The following SLC38A11 variants were observed in gnomAD, a reference collection of about 807,000 sequenced individuals.
The protein encoded by SLC38A11 is solute carrier family 38 member 11.
A neutral mutation model predicts 49.4 loss-of-function variants in SLC38A11; 51 were observed. That is an observed-to-expected ratio of 1.03 (90% CI 0.83 to 1.30). SLC38A11 has a LOEUF of 1.30. SLC38A11 is among the 50% of genes most tolerant of loss of function. The probability of loss-of-function intolerance (pLI) is 0.00; values close to 1 mark genes in which losing one functional copy is unlikely to be tolerated. For synonymous variants in SLC38A11, 203 were observed against 192.9 expected, an observed-to-expected ratio of 1.05 and a Z score of -0.43; for missense variants, 574 against 556.2, an observed-to-expected ratio of 1.03 and a Z score of -0.32.
rs1428821122 is a variant in SLC38A11, at chr2:164,910,241, T to C, written c.963+1395A>G. Among the ~76,000 whole-genome samples, 3 of 151,992 alleles carry C rather than the reference T, an allele frequency of 2.0e-5. No individual in the cohort carries two copies. In the South Asian group the frequency reaches 6.2e-4, roughly 32 times the overall value. The stretch of plus-strand genomic sequence containing the variant: ...CTGCCACAGCAGCTAGAAAGGAAAC[T>C]CAAGTTTCAAGTACTAAACACAGAA... On this transcript the variant is annotated intron_variant, in intron 10 of 11. Coordinates refer to ENST00000685975, the MANE Select transcript of SLC38A11 (RefSeq NM_001351537.2).
chr2:164,908,754 A>T lies in SLC38A11; in HGVS notation c.981T>A (p.Phe327Leu). ...FVTREVIANV[F>L]FGGNLSSVFH... ...AAACCGATGAAAGATTCCCACCAAAAAACACATTGGCAATTACCTGCCGAA... is the reference window on the plus strand; with the variant it reads ...AAACCGATGAAAGATTCCCACCAAATAACACATTGGCAATTACCTGCCGAA... Residue 327 changes from phenylalanine to leucine, a missense_variant, in exon 11 of 12, where the codon TTT becomes TTA. Transcript: ENST00000685975. 1.2e-6 allele frequency: 2 copies of T among 1,610,516 alleles called. No homozygotes were observed. The highest frequency in any genetic ancestry group is 1.7e-6 in the Non-Finnish European group (2 of 1,178,032).
chr2:164,947,311 T>C (rs1010993579), intron 3 of SLC38A11, among the ~76,000 whole-genome samples: 1 of 151,946 alleles, frequency 6.6e-6, no homozygotes, highest in Non-Finnish European at 1.5e-5. Flanking sequence ...TTTGTATTTT[T>C]AGCAGAGACG....
At chr2:164,944,737 C>A in intron 4 of SLC38A11, 103 bp from the exon 5 acceptor site, 2 of 399,554 alleles carry the variant, frequency 5.0e-6, no homozygotes, top group East Asian at 8.0e-5. Context: ...TTGGCATAAT[C>A]CTACTGCTTC....
chr2:164,915,436 A>G (rs1685713607), intron 8 of SLC38A11, 163 bp from the exon 9 acceptor site: 1 of 621,426 alleles, frequency 1.6e-6, no homozygotes, highest in African/African-American at 1.9e-5. Flanking sequence ...AGTTCTAGAA[A>G]TGAGACCATT....
Position 164,909,991 on chromosome 2 carries a change from A to G in SLC38A11, c.964-1220T>C, listed in dbSNP as rs1474799606. On this transcript the variant is annotated intron_variant, in intron 10 of 11. Transcript: ENST00000685975. ...TATGATATAATTGTGAGAGTGAAAA[A>G]TCACTTAGTGAGGCAGGTAGTAAGA... is the stretch of plus-strand genomic sequence containing the variant. 2.0e-5 allele frequency among the ~76,000 whole-genome samples: 3 copies of G among 152,142 alleles called. No homozygotes were observed. In the East Asian group the frequency reaches 5.8e-4, roughly 29 times the overall value.
intron 5 of SLC38A11, among the ~76,000 whole-genome samples, chr2:164,942,359 C>T (rs904454849): frequency 3.5e-5 from 5 of 144,682 alleles, no homozygotes; most frequent in African/African-American, 7.7e-5. Flanking sequence ...CACCTGAGCC[C>T]GGGAGGTCAG....
chr2:164,917,001 A>C (rs1384864933), intron 7 of SLC38A11, among the ~76,000 whole-genome samples: 1 of 151,964 alleles, frequency 6.6e-6, no homozygotes, highest in Non-Finnish European at 1.5e-5. Flanking sequence ...AATGAGATAA[A>C]ATATGTAAAA....
chr2:164,946,585 A>T (rs1033317356), intron 3 of SLC38A11, among the ~76,000 whole-genome samples: 30 of 138,396 alleles, frequency 2.2e-4, no homozygotes, highest in Middle Eastern at 3.4e-3. Context: ...AAAAAAAAAA[A>T]TTTGCATTTT....
At chr2:164,923,043 C>A (rs1686322205) in intron 7 of SLC38A11, among the ~76,000 whole-genome samples, 1 of 152,156 alleles carries the variant, frequency 6.6e-6, no homozygotes, top group Non-Finnish European at 1.5e-5. Flanking sequence ...TGAAACTAGA[C>A]CCCTACCTTT....
intron 7 of SLC38A11, among the ~76,000 whole-genome samples, chr2:164,923,527 C>A (rs1014530561): frequency 1.3e-5 from 2 of 152,082 alleles, no homozygotes; most frequent in Non-Finnish European, 2.9e-5. Context: ...CAATGAGATA[C>A]CATCTCACAC....
intron 9 of SLC38A11, among the ~76,000 whole-genome samples, chr2:164,912,632 T>C (rs948875051): frequency 6.6e-6 from 1 of 152,142 alleles, no homozygotes; most frequent in Admixed American, 6.6e-5. Context: ...TCCAAACATA[T>C]GTTACCTTTC....
rs1684352200 is a variant in SLC38A11 at position 164,894,444 on chromosome 2, C to G, written c.*3993G>C. 6.6e-6 allele frequency among the ~76,000 whole-genome samples: 1 copy of G among 152,168 alleles called. No homozygotes were observed. On this transcript the variant is annotated 3_prime_UTR_variant, in exon 12 of 12. Transcript: ENST00000685975. ...AAAGACAACCATGTAAATTCTTTAT[C>G]TGAATGACATTATCATTCATAACCC...
chr2:164,949,921 T>G (rs1247800053), intron 3 of SLC38A11: 2 of 152,208 alleles, frequency 1.3e-5, no homozygotes, highest in Non-Finnish European at 2.9e-5. Flanking sequence ...TTGTTGTTGT[T>G]GTTGTCCTTA....
chr2:164,954,186 T>C (rs1391835491), intron 2 of SLC38A11, among the ~76,000 whole-genome samples: 2 of 152,202 alleles, frequency 1.3e-5, no homozygotes, highest in East Asian at 1.9e-4. Context: ...ATAAGATTGG[T>C]ATGTTTTCAT....
At chr2:164,930,272 C>A (rs770167653) in intron 7 of SLC38A11, among the ~76,000 whole-genome samples, 1 of 151,980 alleles carries the variant, frequency 6.6e-6, no homozygotes, top group Non-Finnish European at 1.5e-5. Flanking sequence ...AGCCTACCAA[C>A]CAAAATAAGC....
chr2:164,904,887 A>G (rs1684890655), intron 11 of SLC38A11, among the ~76,000 whole-genome samples: 2 of 152,122 alleles, frequency 1.3e-5, no homozygotes, highest in African/African-American at 2.4e-5. Flanking sequence ...TATGCTTAGG[A>G]AATCTCAGAG....
At chr2:164,938,311 G>C (rs966344957) in intron 6 of SLC38A11, among the ~76,000 whole-genome samples, 1 of 152,056 alleles carries the variant, frequency 6.6e-6, no homozygotes, top group South Asian at 2.1e-4. Context: ...GGCAGAGAGG[G>C]AACTCAAGTA....
At chr2:164,950,957 T>C (rs887073887) in intron 3 of SLC38A11, among the ~76,000 whole-genome samples, 1 of 152,164 alleles carries the variant, frequency 6.6e-6, no homozygotes, top group Non-Finnish European at 1.5e-5. Context: ...TTTTCACTTT[T>C]ATGTGGTCAT....
intron 11 of SLC38A11, among the ~76,000 whole-genome samples, chr2:164,906,239 A>G (rs1269084163): frequency 6.6e-6 from 1 of 152,228 alleles, no homozygotes; most frequent in Non-Finnish European, 1.5e-5. Context: ...AAAACAGGAA[A>G]AAACAGGGCT....
Sources: allele counts gnomAD v4.1 joint callset (sites outside exome capture counted in the v4.1 genomes callset), GRCh38; gene constraint gnomAD v4.1.1; transcripts MANE v1.5; gene names NCBI Gene and HGNC (gene_info 2026-07-23, HGNC 2026-07-21).